Variants in STRN3 observed in about 807,000 individuals in gnomAD.
STRN3 encodes striatin-3.
STRN3 carries 29 observed loss-of-function variants against 95.6 expected under a neutral mutation model. That is an observed-to-expected ratio of 0.30 (90% CI 0.23 to 0.41). The LOEUF is 0.41. Among genes scored for constraint, STRN3 ranks in the 10% least tolerant of loss-of-function variants. The probability of loss-of-function intolerance (pLI) is 1.00; values close to 1 mark genes in which losing one functional copy is unlikely to be tolerated. For synonymous variants in STRN3, 331 were observed against 357.6 expected, an observed-to-expected ratio of 0.93 and a Z score of 0.84; for missense variants, 890 against 972.1, an observed-to-expected ratio of 0.92 and a Z score of 1.12.
At chr14:31,012,548 TGGA>T (rs1414862993) in intron 1 of STRN3, among the ~76,000 whole-genome samples, 1 of 152,004 alleles carries the variant, frequency 6.6e-6, no homozygotes, top group African/African-American at 2.4e-5. Context: ...GTGGATTAGG[TGGA>T]TCAACTTTGG....
chr14:30,929,967 A>ACAAAAAAAAAAAAAAAC (rs1002618519), intron 7 of STRN3, among the ~76,000 whole-genome samples: 1 of 91,122 alleles, frequency 1.1e-5, no homozygotes, highest in East Asian at 3.2e-4. Context: ...AAAAAAAAAA[A>ACAAAAAAAAAAAAAAAC]AAAAAAAAAA....
At chr14:31,016,538 T>TAA (rs1404169034) in intron 1 of STRN3, among the ~76,000 whole-genome samples, 56 of 150,440 alleles carry the variant, frequency 3.7e-4, no homozygotes, top group African/African-American at 1.4e-3. Flanking sequence ...AGAAAAATAA[T>TAA]AAAAATATAT....
chr14:30,967,012 G>A (rs112187569), intron 1 of STRN3, among the ~76,000 whole-genome samples: 14,437 of 151,596 alleles, frequency 0.095, 749 homozygotes, highest in South Asian at 0.16. Context: ...TTCCGGGACA[G>A]GCAAGGTGAG....
At chr14:30,933,680 G>A (rs1301970410) in intron 7 of STRN3, among the ~76,000 whole-genome samples, 1 of 152,154 alleles carries the variant, frequency 6.6e-6, no homozygotes, top group African/African-American at 2.4e-5. Context: ...CAAAAATGTA[G>A]TCTAGAAAGT....
rs887699857 is a variant in STRN3, at chr14:30,894,581, A to G, written c.*830T>C. ...GAGTTCATTTGGAGTACTAAACCCC[A>G]CTGTTTCATTTTAATACACTTAATA... On this transcript the variant is annotated 3_prime_UTR_variant, in exon 18 of 18. Transcript: ENST00000357479. 16 of 153,182 alleles carry G rather than the reference A, an allele frequency of 1.0e-4. No individual in the cohort carries two copies. Among genetic ancestry groups the G allele is most frequent in the African/African-American group, 3.9e-4 (16 of 41,446 alleles). The allele number at this position is 153,182 out of a possible 1,614,324, so 9.5% of individuals were successfully genotyped here. A position where few individuals can be genotyped will look rare whatever the true frequency, so the allele number is the denominator to read the frequency against.
chr14:30,935,204 C>T lies in STRN3; in HGVS notation c.947G>A (p.Gly316Glu), dbSNP rs1465769894. 6.2e-7 allele frequency: 1 copy of T among 1,614,150 alleles called. No homozygotes were observed. Among genetic ancestry groups the T allele is most frequent in the Non-Finnish European group, 8.5e-7 (1 of 1,180,008 alleles). The change falls in exon 7 of 18, where the codon GGA becomes GAA. Residue 316 changes from glycine to glutamate, a missense_variant. Around this residue, in one of 3 missense-constraint regions of STRN3, gnomAD observed 526 missense variants for 526.3 expected, o/e 1.00. Transcript: ENST00000357479. Reference sequence around the variant, plus strand: ...CCCCGAACTCCGTGCTTCTCCAGCTCCTTCACCATCTTCAGCAGTCACTAA... The same window carrying T: ...CCCCGAACTCCGTGCTTCTCCAGCTTCTTCACCATCTTCAGCAGTCACTAA... ...DFLVTAEDGE[G>E]AGEARSSGDG...
chr14:30,959,978 T>A (rs577443193), intron 1 of STRN3, among the ~76,000 whole-genome samples: 1 of 152,316 alleles, frequency 6.6e-6, no homozygotes, highest in Non-Finnish European at 1.5e-5. Flanking sequence ...AATTCTGAAT[T>A]TGCATGTGTA....
chr14:30,901,885 C>A (rs530406930), intron 16 of STRN3, among the ~76,000 whole-genome samples: 52 of 151,840 alleles, frequency 3.4e-4, no homozygotes, highest in African/African-American at 1.2e-3. Context: ...ACATATTGGA[C>A]GACCGGGCGC....
At chr14:30,936,837 A>G (rs1025799466) in intron 5 of STRN3, among the ~76,000 whole-genome samples, 6 of 152,242 alleles carry the variant, frequency 3.9e-5, no homozygotes, top group African/African-American at 1.4e-4. Context: ...TCCAAAGTTC[A>G]TTGTCCAAAA....
chr14:30,941,096 G>T (rs1039203728), intron 5 of STRN3, among the ~76,000 whole-genome samples: 2 of 152,132 alleles, frequency 1.3e-5, no homozygotes, highest in Non-Finnish European at 2.9e-5. Flanking sequence ...CCAGAAAAGG[G>T]TCTTCACCAG....
chr14:30,954,437 T>C (rs1466104596), intron 3 of STRN3, among the ~76,000 whole-genome samples: 1 of 152,188 alleles, frequency 6.6e-6, no homozygotes, highest in African/African-American at 2.4e-5. Flanking sequence ...AAAGGCGACA[T>C]TGTTTCATTT....
At chr14:30,953,432 G>A (rs1879750075) in intron 3 of STRN3, among the ~76,000 whole-genome samples, 1 of 152,092 alleles carries the variant, frequency 6.6e-6, no homozygotes, top group Non-Finnish European at 1.5e-5. Flanking sequence ...GTTTTAGTTT[G>A]CTCACTTTTG....
chr14:30,954,283 T>C (rs1879795459), intron 3 of STRN3, among the ~76,000 whole-genome samples: 1 of 152,208 alleles, frequency 6.6e-6, no homozygotes, highest in South Asian at 2.1e-4. Flanking sequence ...TATATTTTAA[T>C]ATAACCCGTT....
chr14:31,005,860 G>A (rs1489022048), intron 1 of STRN3, among the ~76,000 whole-genome samples: 12 of 152,178 alleles, frequency 7.9e-5, no homozygotes, highest in South Asian at 2.1e-4. Context: ...GCTCACGCCC[G>A]TAATCCCAGT....
At chr14:31,014,496 A>C in intron 1 of STRN3, 5 of 332,254 alleles carry the variant, frequency 1.5e-5, no homozygotes, top group South Asian at 1.2e-4. Context: ...CTGGGATTAC[A>C]GGCGTGAGCC....
intron 1 of STRN3, among the ~76,000 whole-genome samples, chr14:31,000,608 A>T (rs1279110819): frequency 6.6e-6 from 1 of 152,106 alleles, no homozygotes; most frequent in Non-Finnish European, 1.5e-5. Flanking sequence ...ACAAAAAGGT[A>T]TCTGATCTTC....
intron 8 of STRN3, among the ~76,000 whole-genome samples, chr14:30,927,620 T>TAA (rs113791972): frequency 1.1e-4 from 16 of 146,660 alleles, no homozygotes; most frequent in Non-Finnish European, 1.8e-4. Context: ...TTTATTTCTT[T>TAA]AAAAAAAAAA....
At chr14:30,900,639 T>C (rs905340421) in intron 16 of STRN3, among the ~76,000 whole-genome samples, 2 of 150,918 alleles carry the variant, frequency 1.3e-5, no homozygotes, top group Admixed American at 1.3e-4. Context: ...CACCCAGCTA[T>C]GTGGGAGGCT....
chr14:30,911,795 T>C lies in STRN3; in HGVS notation c.1580A>G (p.Tyr527Cys), dbSNP rs764222949. The C allele has an allele frequency of 4.4e-6, 7 of 1,608,988 alleles. No individual in the cohort carries two copies. The highest frequency in any genetic ancestry group is 1.3e-5 in the African/African-American group (1 of 74,680). ...AACTTACATGTGGGCCCTAAATGTG[T>C]AGATAGGCTCTACATCTAAAGAGGC... ...KSASLDVEPI[Y>C]TFRAHIGPVL... The change falls in exon 12 of 18, where the codon TAC (tyrosine) becomes TGC (cysteine). Residue 527 changes from tyrosine (Y) to cysteine (C), a missense_variant. By Grantham distance (194) the Tyr-to-Cys change is radical. Around this residue, in one of 3 missense-constraint regions of STRN3, gnomAD observed 357 missense variants for 422.8 expected, o/e 0.84. Coordinates refer to ENST00000357479, the MANE Select transcript of STRN3 (RefSeq NM_001083893.2).
Sources: gnomAD v4.1 joint callset for allele counts (sites outside exome capture counted in the v4.1 genomes callset) on GRCh38, gnomAD v4.1.1 for gene constraint, gnomAD v4.1.1 regional missense constraint, MANE v1.5 for transcripts, NCBI Gene and HGNC (gene_info 2026-07-23, HGNC 2026-07-21) for gene names.